The following RLBP1 variants were observed in gnomAD, a reference collection of about 807,000 sequenced individuals.
RLBP1 encodes the protein retinaldehyde-binding protein 1.
In RLBP1, 26 loss-of-function variants were observed where a neutral mutation model predicts 36.2. That is an observed-to-expected ratio of 0.72 (90% CI 0.53 to 1.00). The LOEUF is 1.00. RLBP1 is among the 50% of genes least tolerant of loss of function. The probability of loss-of-function intolerance (pLI) is 0.00; values close to 1 mark genes in which losing one functional copy is unlikely to be tolerated. For synonymous variants in RLBP1, 155 were observed against 156.2 expected (o/e 0.99, Z 0.06); for missense variants, 410 against 402.4 (o/e 1.02, Z -0.16).
chr15:89,216,660 A>C (rs545811598), intron 5 of RLBP1, among the ~76,000 whole-genome samples: 15 of 152,216 alleles, frequency 9.9e-5, no homozygotes, highest in Non-Finnish European at 1.5e-4. Context: ...TCCAGCCAGC[A>C]GTGCCAGAGC....
intron 1 of RLBP1, among the ~76,000 whole-genome samples, chr15:89,220,270 T>A (rs2051615634): frequency 6.6e-6 from 1 of 152,182 alleles, no homozygotes; most frequent in African/African-American, 2.4e-5. Flanking sequence ...GCTTTGTCAG[T>A]TATGACTTGT....
At position 89,210,607 on chromosome 15, in the gene RLBP1, A is replaced by T; in HGVS notation, c.795+92T>A. On this transcript the variant is annotated intron_variant, in intron 8 of 8. Transcript: ENST00000268125. This position sits in a 1 kb window ranked among gnomAD's most constrained non-coding sequence, Gnocchi z 4.7. ...TGTTGGGTGTCAGTGGGATCCACAT[A>T]GCTCAGGACCATGGTAGAGTGTGAG... 8.0e-7 allele frequency: 1 copy of T among 1,242,400 alleles called. No individual in the cohort carries two copies. The highest frequency in any genetic ancestry group is 1.2e-6 in the Non-Finnish European group (1 of 862,470). 77.0% of individuals were successfully genotyped at this position (1,242,400 alleles called of 1,614,324 possible).
At position 89,210,173 on chromosome 15, in the gene RLBP1, G is replaced by C. The variant is rs972943696; in HGVS notation, c.*112C>G. The C allele has an allele frequency of 7.7e-7, 1 of 1,290,992 alleles. No homozygotes were observed. Among genetic ancestry groups the C allele is most frequent in the African/African-American group, 1.4e-5 (1 of 68,990 alleles). 80.0% of individuals were successfully genotyped at this position (1,290,992 alleles called of 1,614,324 possible). A position where few individuals can be genotyped will look rare whatever the true frequency, so the allele number is the denominator to read the frequency against. Reference sequence around the variant, plus strand: ...ACCTGAGCTCACTCGGGCTTAGGGAGTCTAAGGGGGGACCACAGTCATCTC... The same window carrying C: ...ACCTGAGCTCACTCGGGCTTAGGGACTCTAAGGGGGGACCACAGTCATCTC... On this transcript the variant is annotated 3_prime_UTR_variant, in exon 9 of 9. Transcript: ENST00000268125. The surrounding 1 kb of genome is among the most constrained non-coding windows in gnomAD (Gnocchi z 4.7).
chr15:89,217,365 C>T (rs1187630951), intron 4 of RLBP1, 41 bp from the exon 5 acceptor site: 3 of 1,583,096 alleles, frequency 1.9e-6, no homozygotes, highest in Non-Finnish European at 1.7e-6. Flanking sequence ...AACTTAGGTG[C>T]GGGTGAGGGG....
chr15:89,218,038 G>C lies in RLBP1; in HGVS notation c.141+527C>G, dbSNP rs945084294. The stretch of plus-strand genomic sequence containing the variant: ...GATGGAAGCTGGGTGCCCAGGCTCA[G>C]CTCAGCCACTTCTCATCCTCCCCAG... On this transcript the variant is annotated intron_variant, in intron 4 of 8. Coordinates refer to ENST00000268125, the MANE Select transcript of RLBP1 (RefSeq NM_000326.5). The surrounding 1 kb of genome is among the most constrained non-coding windows in gnomAD (Gnocchi z 4.6). Among the ~76,000 whole-genome samples, 9 of 152,194 alleles carry C rather than the reference G, an allele frequency of 5.9e-5. No individual in the cohort carries two copies. The highest frequency in any genetic ancestry group is 2.2e-4 in the African/African-American group (9 of 41,442).
In RLBP1 at chr15:89,210,570, C is replaced by T. The variant is rs747461732; in HGVS notation, c.796-127G>A. The T allele has an allele frequency of 7.5e-5, 95 of 1,262,332 alleles. No homozygotes were observed. In the Middle Eastern group the frequency reaches 7.6e-4, roughly 10 times the overall value. The allele number at this position is 1,262,332 out of a possible 1,614,324, so 78.2% of individuals were successfully genotyped here. ...GTCTTTGCCTGGCGACACCTCTCTC[C>T]GCAGGTCTCCATGTTGGGTGTCAGT... On this transcript the variant is annotated intron_variant, in intron 8 of 8. Transcript: ENST00000268125. The surrounding 1 kb of genome is among the most constrained non-coding windows in gnomAD (Gnocchi z 4.7).
intron 6 of RLBP1, among the ~76,000 whole-genome samples, chr15:89,212,347 C>T (rs941652375): frequency 1.3e-5 from 2 of 151,860 alleles, no homozygotes; most frequent in African/African-American, 4.8e-5. Flanking sequence ...TTTGGGAGGC[C>T]GAGGCAGGTG....
At chr15:89,220,320 T>C (rs1314573784) in intron 1 of RLBP1, among the ~76,000 whole-genome samples, 2 of 152,196 alleles carry the variant, frequency 1.3e-5, no homozygotes, top group Non-Finnish European at 2.9e-5. Context: ...GGGTCTCAGT[T>C]TCCTCATCTG....
chr15:89,217,396 T>TCTC, intron 4 of RLBP1, 72 bp from the exon 5 acceptor site: 3 of 1,496,338 alleles, frequency 2.0e-6, no homozygotes, highest in Non-Finnish European at 2.8e-6. Context: ...AGGTGATGAG[T>TCTC]CTCCTGCCAG....
At chr15:89,213,249 A>C (rs1444349186) in intron 6 of RLBP1, among the ~76,000 whole-genome samples, 2 of 151,932 alleles carry the variant, frequency 1.3e-5, no homozygotes, top group East Asian at 1.9e-4. Context: ...TCTATATTGA[A>C]AGTACTAACC....
At chr15:89,220,754 A>T (rs2051619993) in intron 1 of RLBP1, among the ~76,000 whole-genome samples, 1 of 152,122 alleles carries the variant, frequency 6.6e-6, no homozygotes, top group African/African-American at 2.4e-5. Flanking sequence ...GGCAAGAGGG[A>T]CAGTGGCTGG....
rs879211978 is a variant in RLBP1, at chr15:89,214,628, A to T, written c.525+432T>A. ...CTCAGACAAGCAAAATTGCGTACAC[A>T]ATTTTGCGAGCACAAAGAACTCGGG... On this transcript the variant is annotated intron_variant, in intron 6 of 8. Coordinates refer to ENST00000268125, the MANE Select transcript of RLBP1 (RefSeq NM_000326.5). This position sits in a 1 kb window ranked among gnomAD's most constrained non-coding sequence, Gnocchi z 4.6. 0.48 allele frequency among the ~76,000 whole-genome samples: 72,465 copies of T among 151,804 alleles called. 18,490 individuals are homozygous for T. The highest frequency in any genetic ancestry group is 0.67 in the East Asian group (3,467 of 5,146).
chr15:89,217,420 A>G, intron 4 of RLBP1, 96 bp from the exon 5 acceptor site: 1 of 1,299,168 alleles, frequency 7.7e-7, no homozygotes, highest in Non-Finnish European at 1.1e-6. Context: ...TAGACCAGCC[A>G]AGGGGGCCCA....
Position 89,214,651 on chromosome 15 carries a change from G to A in RLBP1, c.525+409C>T, listed in dbSNP as rs866670890. 5.3e-5 allele frequency among the ~76,000 whole-genome samples: 8 copies of A among 151,928 alleles called. No homozygotes were observed. The highest frequency in any genetic ancestry group is 2.1e-4 in the South Asian group (1 of 4,820). ...ACAATTTTGCGAGCACAAAGAACTCGGGCTCCTAAATAGATTGGAACCTGT... is the reference window on the plus strand; with the variant it reads ...ACAATTTTGCGAGCACAAAGAACTCAGGCTCCTAAATAGATTGGAACCTGT... On this transcript the variant is annotated intron_variant, in intron 6 of 8. Coordinates refer to ENST00000268125, the MANE Select transcript of RLBP1 (RefSeq NM_000326.5). The surrounding 1 kb of genome is among the most constrained non-coding windows in gnomAD (Gnocchi z 4.6).
Position 89,210,632 on chromosome 15 carries a change from G to T in RLBP1, c.795+67C>A. 7.7e-7 allele frequency: 1 copy of T among 1,292,128 alleles called. No individual in the cohort carries two copies. Among genetic ancestry groups the T allele is most frequent in the Non-Finnish European group, 1.1e-6 (1 of 908,402 alleles). 80.0% of individuals were successfully genotyped at this position (1,292,128 alleles called of 1,614,324 possible). A position where few individuals can be genotyped will look rare whatever the true frequency, so the allele number is the denominator to read the frequency against. On this transcript the variant is annotated intron_variant, in intron 8 of 8. Transcript: ENST00000268125. The surrounding 1 kb of genome is among the most constrained non-coding windows in gnomAD (Gnocchi z 4.7). ...AGCTCAGGACCATGGTAGAGTGTGA[G>T]GAGGGCTCAGGTGAGGCCCCACCCT... is the stretch of plus-strand genomic sequence containing the variant.
chr15:89,213,818 T>C (rs557529824), intron 6 of RLBP1, among the ~76,000 whole-genome samples: 6 of 152,308 alleles, frequency 3.9e-5, no homozygotes, highest in Middle Eastern at 3.4e-3. Context: ...ATGTTTAATA[T>C]TATCCCCAAA....
rs2051611980 is a variant in RLBP1, at chr15:89,219,804, A to C, written c.-168T>G. On this transcript the variant is annotated 5_prime_UTR_variant, in exon 2 of 9. Coordinates refer to ENST00000268125, the MANE Select transcript of RLBP1 (RefSeq NM_000326.5). ...TGGCGCAAAAGTTGGACCTGGGTTC[A>C]AGTTCTTCTCTTCCACTTGCAGGCT... is the stretch of plus-strand genomic sequence containing the variant. 6.6e-6 allele frequency: 1 copy of C among 152,312 alleles called. No individual in the cohort carries two copies. The highest frequency in any genetic ancestry group is 2.4e-5 in the African/African-American group (1 of 41,454). The allele number at this position is 152,312 out of a possible 1,614,324, so 9.4% of individuals were successfully genotyped here. A position where few individuals can be genotyped will look rare whatever the true frequency, so the allele number is the denominator to read the frequency against.
chr15:89,210,590 GTCAGTGGGATCCACATAGC>G lies in RLBP1; in HGVS notation c.795+90_795+108del. On this transcript the variant is annotated intron_variant, in intron 8 of 8. Coordinates refer to ENST00000268125, the MANE Select transcript of RLBP1 (RefSeq NM_000326.5). The surrounding 1 kb of genome is among the most constrained non-coding windows in gnomAD (Gnocchi z 4.7). ...CTCTCCGCAGGTCTCCATGTTGGGT[GTCAGTGGGATCCACATAGC>G]TCAGGACCATGGTAGAGTGTGAGGA... 8.1e-7 allele frequency: 1 copy of G among 1,229,804 alleles called. No homozygotes were observed. Among genetic ancestry groups the G allele is most frequent in the African/African-American group, 1.5e-5 (1 of 67,372 alleles). 76.2% of individuals were successfully genotyped at this position (1,229,804 alleles called of 1,614,324 possible).
Position 89,209,891 on chromosome 15 carries a change from T to A in RLBP1, c.*394A>T, listed in dbSNP as rs2051522002. On this transcript the variant is annotated 3_prime_UTR_variant, in exon 9 of 9. Transcript: ENST00000268125. ...ATATCCTCTCTCTTTTATCTTCTTT[T>A]ATTGCATTTTGGGGGCGAATAGGGG... is the stretch of plus-strand genomic sequence containing the variant. 3 of 294,218 alleles carry A rather than the reference T, an allele frequency of 1.0e-5. No individual in the cohort carries two copies. The South Asian group carries it at 1.1e-4, about 10-fold the overall frequency. The allele number at this position is 294,218 out of a possible 1,614,324, so 18.2% of individuals were successfully genotyped here.
Sources: allele counts gnomAD v4.1 joint callset (sites outside exome capture counted in the v4.1 genomes callset), GRCh38; gene constraint gnomAD v4.1.1; non-coding constraint Gnocchi (gnomAD v3.1); transcripts MANE v1.5; gene names NCBI Gene and HGNC (gene_info 2026-07-23, HGNC 2026-07-21).